The following POMP variants were observed in gnomAD, a reference collection of about 807,000 sequenced individuals.
The protein encoded by POMP is proteasome maturation protein, also known as 2510048O06Rik.
A neutral mutation model predicts 20.6 loss-of-function variants in POMP; 12 were observed. The ratio of observed to expected loss-of-function variants is 0.58; its 90% CI spans 0.37 to 0.94. The LOEUF (loss-of-function observed/expected upper bound fraction) is 0.94, where lower values mean the gene tolerates loss of function less well. POMP is among the 40% of genes least tolerant of loss of function. The pLI, the probability that POMP is intolerant of heterozygous loss-of-function variation, is 0.01. For synonymous variants in POMP, 53 were observed against 55.0 expected (o/e 0.96, Z 0.16); for missense variants, 136 against 161.1 (o/e 0.84, Z 0.84).
In POMP at chr13:28,672,431, T is replaced by C. The variant is rs1884565298; in HGVS notation, c.357T>C (p.Asn119=). The C allele has an allele frequency of 6.3e-7, 1 of 1,585,156 alleles. No homozygotes were observed. The highest frequency in any genetic ancestry group is 1.1e-5 in the South Asian group (1 of 90,460). ...CTATTGGATTTGAGGATATTCTTAA[T>C]GGTAAGTGTCATTCAGCACCTTTTT... is the stretch of plus-strand genomic sequence containing the variant. ...DETIGFEDIL[N]DPSQSEVMGE... is the part of the protein sequence containing the mutation. The change falls in exon 5 of 6, where the codon AAT becomes AAC. Residue 119 remains asparagine (N), a splice_region_variant and synonymous_variant. Transcript: ENST00000380842.
intron 3 of POMP, among the ~76,000 whole-genome samples, chr13:28,665,653 T>A (rs1439121541): frequency 3.3e-5 from 5 of 152,364 alleles, no homozygotes; most frequent in Admixed American, 2.0e-4. Flanking sequence ...CTGAAACTGT[T>A]TCTTAAGTGG....
chr13:28,665,049 C>T (rs561581195), intron 3 of POMP, among the ~76,000 whole-genome samples: 14 of 152,266 alleles, frequency 9.2e-5, no homozygotes, highest in African/African-American at 3.1e-4. Context: ...TAGGAGAAGG[C>T]TTCGTAAAAT....
At chr13:28,660,969 T>C (rs1884329065) in intron 1 of POMP, among the ~76,000 whole-genome samples, 2 of 152,282 alleles carry the variant, frequency 1.3e-5, no homozygotes, top group South Asian at 2.1e-4. Context: ...TGGAGTGGTA[T>C]AGTGAAGAAA....
At position 28,659,153 on chromosome 13, in the gene POMP, G is replaced by T; in HGVS notation, c.-32G>T. 6.3e-7 allele frequency: 1 copy of T among 1,579,908 alleles called. No individual in the cohort carries two copies. On this transcript the variant is annotated 5_prime_UTR_variant, in exon 1 of 6. Coordinates refer to ENST00000380842, the MANE Select transcript of POMP (RefSeq NM_015932.6). ...GCGGCGGGGTCGACTGACGGTAACG[G>T]GGCAGAGAGGCTGTTCGCAGAGCTG...
At chr13:28,670,745 T>C (rs1005656634) in intron 4 of POMP, among the ~76,000 whole-genome samples, 3 of 152,188 alleles carry the variant, frequency 2.0e-5, no homozygotes, top group Non-Finnish European at 4.4e-5. Context: ...CTAAATTGTC[T>C]TTTTCAATAA....
chr13:28,676,866 G>A (rs1413912672), intron 5 of POMP, among the ~76,000 whole-genome samples: 2 of 152,178 alleles, frequency 1.3e-5, no homozygotes, highest in African/African-American at 4.8e-5. Context: ...TCCTCACTCA[G>A]AGTCTCACGG....
chr13:28,662,786 A>T (rs1490790972), intron 2 of POMP, among the ~76,000 whole-genome samples: 1 of 152,196 alleles, frequency 6.6e-6, no homozygotes, highest in Non-Finnish European at 1.5e-5. Flanking sequence ...GCTACTGATA[A>T]CTTAGCCATT....
At position 28,672,680 on chromosome 13, in the gene POMP, T is replaced by C. The variant is rs192534242; in HGVS notation, c.358+248T>C. On this transcript the variant is annotated intron_variant, in intron 5 of 5. Coordinates refer to ENST00000380842, the MANE Select transcript of POMP (RefSeq NM_015932.6). The stretch of plus-strand genomic sequence containing the variant: ...GGGAGGCCGGGGTGGGCAGATCACC[T>C]CAGGTCAGGTGTTTGAGACAAGCCT... Among the ~76,000 whole-genome samples, 452 of 152,250 alleles carry C rather than the reference T, an allele frequency of 3.0e-3. 10 individuals carry two copies. Among genetic ancestry groups the C allele is most frequent in the Admixed American group, 0.026 (404 of 15,290 alleles).
At chr13:28,662,537 G>C in intron 2 of POMP, 30 bp downstream of exon 2, 1 of 1,521,542 alleles carries the variant, frequency 6.6e-7, no homozygotes. Context: ...CTTTGATTTT[G>C]TTATGTTTCT....
chr13:28,673,811 G>GT (rs1884588610), intron 5 of POMP, among the ~76,000 whole-genome samples: 1 of 152,224 alleles, frequency 6.6e-6, no homozygotes, highest in Non-Finnish European at 1.5e-5. Flanking sequence ...GAGGGACTTA[G>GT]GAGCATTTAT....
At chr13:28,667,451 C>T (rs1245904279) in intron 3 of POMP, among the ~76,000 whole-genome samples, 1 of 152,150 alleles carries the variant, frequency 6.6e-6, no homozygotes, top group Non-Finnish European at 1.5e-5. Flanking sequence ...AAACCCTTCA[C>T]TTAGAACTTC....
rs568023602 is a variant in POMP, at chr13:28,665,361, A to G, written c.162+792A>G. 3.3e-5 allele frequency among the ~76,000 whole-genome samples: 5 copies of G among 152,346 alleles called. No homozygotes were observed. The East Asian group carries it at 9.6e-4, about 29-fold the overall frequency. ...TTCTAATAAGAGGATAGGTCTGCCT[A>G]TAAGAAAGAGTAGAACAAATAATGT... On this transcript the variant is annotated intron_variant, in intron 3 of 5. Coordinates refer to ENST00000380842, the MANE Select transcript of POMP (RefSeq NM_015932.6).
At chr13:28,659,884 GT>G (rs767187316) in intron 1 of POMP, 2 of 152,236 alleles carry the variant, frequency 1.3e-5, no homozygotes, top group Non-Finnish European at 2.9e-5. Flanking sequence ...GGTACTGCTG[GT>G]AGGCCATCCA....
intron 5 of POMP, 67 bp downstream of exon 5, chr13:28,672,499 A>G (rs559114458): frequency 1.6e-6 from 2 of 1,215,030 alleles, no homozygotes; most frequent in Admixed American, 1.7e-5. Context: ...TGCAAAAAGA[A>G]TAGGCAAAAT....
intron 1 of POMP, among the ~76,000 whole-genome samples, chr13:28,660,722 C>T (rs76628609): frequency 0.02 from 3,045 of 152,278 alleles, 89 homozygotes; most frequent in African/African-American, 0.068. Context: ...TCCACCATGA[C>T]TTCTTGTATG....
chr13:28,660,196 A>G (rs1031693208), intron 1 of POMP, among the ~76,000 whole-genome samples: 1 of 152,232 alleles, frequency 6.6e-6, no homozygotes, highest in African/African-American at 2.4e-5. Flanking sequence ...TAGAAGATAC[A>G]TTTGGAAAGC....
intron 3 of POMP, among the ~76,000 whole-genome samples, chr13:28,666,665 C>T (rs1884453610): frequency 6.6e-6 from 1 of 152,196 alleles, no homozygotes; most frequent in Admixed American, 6.5e-5. Flanking sequence ...GGGCATATTG[C>T]TTAATTTTCT....
intron 5 of POMP, among the ~76,000 whole-genome samples, chr13:28,675,017 C>G (rs193116631): frequency 2.2e-4 from 34 of 152,006 alleles, no homozygotes; most frequent in South Asian, 4.2e-4. Context: ...CCAGCCTGGG[C>G]GACAGAGTGA....
chr13:28,665,164 C>G (rs1472751045), intron 3 of POMP, among the ~76,000 whole-genome samples: 1 of 152,158 alleles, frequency 6.6e-6, no homozygotes, highest in African/African-American at 2.4e-5. Flanking sequence ...AGAAAGTTTA[C>G]TCCTAAAGAG....
Sources: allele counts gnomAD v4.1 joint callset (sites outside exome capture counted in the v4.1 genomes callset), GRCh38; gene constraint gnomAD v4.1.1; transcripts MANE v1.5; gene names NCBI Gene and HGNC (gene_info 2026-07-23, HGNC 2026-07-21).